Variants in LTBP1 observed in about 807,000 individuals in gnomAD.
The protein encoded by LTBP1 is latent-transforming growth factor beta-binding protein 1.
A neutral mutation model predicts 207.6 loss-of-function variants in LTBP1; 129 were observed. The observed-to-expected ratio is 0.62, with a 90% CI of 0.54 to 0.72. The LOEUF is 0.72. Ranked by LOEUF, LTBP1 falls within the 30% of genes least tolerant of loss-of-function variation. The pLI is 0.00. For missense variants in LTBP1, 2,281 were observed against 2,217.2 expected (o/e 1.03, Z -0.58); for synonymous variants, 963 against 833.7 (o/e 1.16, Z -2.67).
intron 30 of LTBP1, 70 bp from the exon 31 acceptor site, chr2:33,365,263 G>T (rs2094971338): frequency 7.4e-7 from 1 of 1,358,346 alleles, no homozygotes; most frequent in Non-Finnish European, 1.0e-6. Context: ...GAGACTTGCT[G>T]GCTTCCAACA....
At chr2:33,361,060 A>T (rs2094922073) in intron 27 of LTBP1, among the ~76,000 whole-genome samples, 1 of 152,252 alleles carries the variant, frequency 6.6e-6, no homozygotes, top group South Asian at 2.1e-4. Context: ...TTTGTTGCTG[A>T]CAATGATACA....
intron 31 of LTBP1, among the ~76,000 whole-genome samples, chr2:33,382,650 T>C (rs937582884): frequency 6.6e-6 from 1 of 152,196 alleles, no homozygotes; most frequent in Non-Finnish European, 1.5e-5. Context: ...AATGAATGAA[T>C]CACTTTTAAT....
chr2:33,140,704 G>C (rs1402070458), intron 5 of LTBP1, among the ~76,000 whole-genome samples: 2 of 115,484 alleles, frequency 1.7e-5, no homozygotes, highest in South Asian at 5.2e-4. Flanking sequence ...TTTTGCTCTT[G>C]TTGCCCAGGC....
chr2:33,192,087 A>G (rs1297876864), intron 7 of LTBP1, among the ~76,000 whole-genome samples: 1 of 152,224 alleles, frequency 6.6e-6, no homozygotes, highest in Non-Finnish European at 1.5e-5. Flanking sequence ...GTAATTGAAC[A>G]GAGGAAAGAG....
chr2:33,289,728 G>A (rs532726987), intron 19 of LTBP1, among the ~76,000 whole-genome samples: 1 of 152,168 alleles, frequency 6.6e-6, no homozygotes, highest in African/African-American at 2.4e-5. Flanking sequence ...AAACGCAAAG[G>A]CCTGTTGAAC....
intron 3 of LTBP1, among the ~76,000 whole-genome samples, chr2:33,071,129 G>A (rs2077764457): frequency 1.3e-5 from 2 of 152,200 alleles, no homozygotes; most frequent in African/African-American, 2.4e-5. Context: ...GGGCCACTAT[G>A]TGCAGTCCCT....
Position 33,364,321 on chromosome 2 carries a change from C to T in LTBP1, c.4505C>T (p.Ser1502Leu), listed in dbSNP as rs780327413. The change falls in exon 30 of 34, where the codon TCA becomes TTA. Residue 1502 changes from serine (S) to leucine (L), a missense_variant. Transcript: ENST00000404816. Reference protein sequence around the residue: ...FCTHPMVLDASEKRCIRPAES... With the variant: ...FCTHPMVLDALEKRCIRPAES... ...ACTCACCCCATGGTCCTGGATGCGT[C>T]AGAAAAAAGATGTATACGACCGGCT... 1.9e-6 allele frequency: 3 copies of T among 1,613,722 alleles called. No individual in the cohort carries two copies. The highest frequency in any genetic ancestry group is 2.5e-6 in the Non-Finnish European group (3 of 1,179,858).
Position 32,947,426 on chromosome 2 carries a change from G to C in LTBP1, c.102G>C (p.Pro34=), listed in dbSNP as rs922033401. ...RLRRITYVVH[P]GPGLAAGALP... is the part of the protein sequence containing the mutation. ...GGAGGATCACCTACGTGGTGCACCC[G>C]GGCCCCGGCCTGGCAGCCGGCGCCT... is the stretch of plus-strand genomic sequence containing the variant. Residue 34 remains proline, a synonymous_variant, in exon 1 of 34, where the codon CCG becomes CCC. Transcript: ENST00000404816. 1 of 1,439,468 alleles carries C rather than the reference G, an allele frequency of 6.9e-7. No homozygotes were observed. Among genetic ancestry groups the C allele is most frequent in the Admixed American group, 2.6e-5 (1 of 38,368 alleles). 89.2% of individuals were successfully genotyped at this position (1,439,468 alleles called of 1,614,324 possible).
chr2:33,183,694 C>G (rs1301837313), intron 5 of LTBP1, among the ~76,000 whole-genome samples: 3 of 152,246 alleles, frequency 2.0e-5, no homozygotes, highest in Admixed American at 2.0e-4. Context: ...GGCCTAGCTC[C>G]CTTTGCTTTA....
intron 25 of LTBP1, among the ~76,000 whole-genome samples, chr2:33,343,283 T>C (rs535098449): frequency 1.2e-3 from 185 of 151,818 alleles, no homozygotes; most frequent in African/African-American, 4.3e-3. Flanking sequence ...TGATGGTGGA[T>C]GCCTGTAGTC....
At chr2:33,255,010 C>T (rs2092810014) in intron 11 of LTBP1, among the ~76,000 whole-genome samples, 1 of 135,782 alleles carries the variant, frequency 7.4e-6, no homozygotes, top group African/African-American at 2.8e-5. Flanking sequence ...ATGTGCCATG[C>T]TGGTGCGCTG....
At chr2:33,265,421 G>GTA (rs1251565597) in intron 15 of LTBP1, among the ~76,000 whole-genome samples, 1 of 152,164 alleles carries the variant, frequency 6.6e-6, no homozygotes, top group Admixed American at 6.5e-5. Flanking sequence ...CACAGACAAT[G>GTA]TATAATACAG....
intron 15 of LTBP1, among the ~76,000 whole-genome samples, chr2:33,272,215 A>G (rs921659987): frequency 2.0e-5 from 3 of 152,212 alleles, no homozygotes; most frequent in Admixed American, 6.5e-5. Context: ...GGTCATTTCC[A>G]TAGTGAATCT....
At chr2:33,377,037 T>C (rs964090585) in intron 31 of LTBP1, among the ~76,000 whole-genome samples, 1 of 152,186 alleles carries the variant, frequency 6.6e-6, no homozygotes, top group Non-Finnish European at 1.5e-5. Context: ...GTTATGATCC[T>C]ATTGTAGTCA....
chr2:33,372,727 G>A (rs942635829), intron 31 of LTBP1, among the ~76,000 whole-genome samples: 1 of 152,136 alleles, frequency 6.6e-6, no homozygotes, highest in Non-Finnish European at 1.5e-5. Context: ...AGCCAGGCAT[G>A]GTGGCGCATG....
chr2:33,034,526 C>T (rs938683586), intron 3 of LTBP1, among the ~76,000 whole-genome samples: 1 of 151,974 alleles, frequency 6.6e-6, no homozygotes, highest in Non-Finnish European at 1.5e-5. Flanking sequence ...GTTTTGTATT[C>T]CATATCATCT....
At position 33,048,686 on chromosome 2, in the gene LTBP1, C is replaced by T. The variant is rs149762283; in HGVS notation, c.863+27480C>T. ...CAGCCTTGCTCACAGCTGGACATTT[C>T]GAGGGAAGCGTGTGTGCTCCGTTGA... On this transcript the variant is annotated intron_variant, in intron 3 of 33. Transcript: ENST00000404816. Among the ~76,000 whole-genome samples the T allele has an allele frequency of 3.8e-3, 572 of 152,288 alleles. 4 individuals are homozygous for T. Among genetic ancestry groups the T allele is most frequent in the African/African-American group, 0.013 (549 of 41,562 alleles).
chr2:33,166,754 C>T (rs934834622), intron 5 of LTBP1, among the ~76,000 whole-genome samples: 37 of 152,184 alleles, frequency 2.4e-4, no homozygotes, highest in Middle Eastern at 3.4e-3. Context: ...ATTTTAATAA[C>T]CTGAACTTGA....
chr2:33,222,150 A>G lies in LTBP1; in HGVS notation c.1875A>G (p.Gln625=). ...GYKRVNNTFC[Q]DINECQLQGV... is the part of the protein sequence containing the mutation. ...AGCGGGTTAACAACACCTTTTGCCA[A>G]GGTAAGACTAACTGAATTCATTGAT... The change falls in exon 9 of 34, where the codon CAA becomes CAG. Residue 625 remains glutamine, a splice_region_variant and synonymous_variant. Coordinates refer to ENST00000404816, the MANE Select transcript of LTBP1 (RefSeq NM_206943.4). 2 of 1,605,458 alleles carry G rather than the reference A, an allele frequency of 1.2e-6. No individual in the cohort carries two copies. The highest frequency in any genetic ancestry group is 8.5e-7 in the Non-Finnish European group (1 of 1,171,954).
Sources: allele counts gnomAD v4.1 joint callset (sites outside exome capture counted in the v4.1 genomes callset), GRCh38; gene constraint gnomAD v4.1.1; transcripts MANE v1.5; gene names NCBI Gene and HGNC (gene_info 2026-07-23, HGNC 2026-07-21).